Variants in GABRB2 observed in about 807,000 individuals in gnomAD.
GABRB2 encodes the protein gamma-aminobutyric acid type A receptor subunit beta2, also known as gamma-aminobutyric acid receptor subunit beta-2.
Under a neutral mutation model 54.7 loss-of-function variants are expected in GABRB2, and 16 were observed. The ratio of observed to expected loss-of-function variants is 0.29; its 90% CI spans 0.20 to 0.44. The LOEUF (loss-of-function observed/expected upper bound fraction) is 0.44. GABRB2 is among the 20% of genes least tolerant of loss of function. The probability of loss-of-function intolerance (pLI) is 1.00; values close to 1 mark genes in which losing one functional copy is unlikely to be tolerated. For synonymous variants in GABRB2, 244 were observed against 233.8 expected, an observed-to-expected ratio of 1.04 and a Z score of -0.40; for missense variants, 355 against 644.0, an observed-to-expected ratio of 0.55 and a Z score of 4.86.
chr5:161,502,574 C>T (rs1244120676), intron 3 of GABRB2, among the ~76,000 whole-genome samples: 3 of 152,122 alleles, frequency 2.0e-5, no homozygotes, highest in African/African-American at 7.2e-5. Context: ...ATATATGAAT[C>T]AATTGTGTTT....
At chr5:161,411,099 A>G (rs1479737908) in intron 4 of GABRB2, 42 bp from the exon 5 acceptor site, 2 of 1,459,630 alleles carry the variant, frequency 1.4e-6, no homozygotes, top group South Asian at 2.3e-5. Context: ...TAGCAGGTCT[A>G]AGGCTGGAGC....
At chr5:161,450,560 A>G (rs1383862237) in intron 4 of GABRB2, among the ~76,000 whole-genome samples, 1 of 152,090 alleles carries the variant, frequency 6.6e-6, no homozygotes, top group Non-Finnish European at 1.5e-5. Flanking sequence ...ACTCCAAGTA[A>G]CTAAATAACT....
At chr5:161,308,347 T>A (rs1757762421) in intron 9 of GABRB2, among the ~76,000 whole-genome samples, 1 of 152,156 alleles carries the variant, frequency 6.6e-6, no homozygotes, top group Admixed American at 6.5e-5. Flanking sequence ...ACTACATCAA[T>A]TGAGCCAATG....
chr5:161,324,650 T>C (rs1758311755), intron 9 of GABRB2, among the ~76,000 whole-genome samples: 1 of 152,088 alleles, frequency 6.6e-6, no homozygotes, highest in African/African-American at 2.4e-5. Flanking sequence ...TTTGCAATTG[T>C]GACATATATC....
intron 3 of GABRB2, among the ~76,000 whole-genome samples, chr5:161,516,128 T>C (rs1021329013): frequency 3.3e-5 from 5 of 152,208 alleles, no homozygotes; most frequent in Non-Finnish European, 5.9e-5. Context: ...AAATGCAAAA[T>C]AGTACCTACT....
At chr5:161,315,601 A>T (rs1561604670) in intron 9 of GABRB2, among the ~76,000 whole-genome samples, 1 of 152,186 alleles carries the variant, frequency 6.6e-6, no homozygotes, top group Non-Finnish European at 1.5e-5. Flanking sequence ...TAGAAAATAT[A>T]TAATTTGCAT....
At chr5:161,366,903 G>A (rs552412226) in intron 5 of GABRB2, among the ~76,000 whole-genome samples, 1 of 152,166 alleles carries the variant, frequency 6.6e-6, no homozygotes, top group South Asian at 2.1e-4. Context: ...ATCCGAGATC[G>A]CACCAATGCA....
At chr5:161,359,641 T>C (rs1217188562) in intron 5 of GABRB2, among the ~76,000 whole-genome samples, 2 of 152,234 alleles carry the variant, frequency 1.3e-5, no homozygotes, top group Non-Finnish European at 2.9e-5. Flanking sequence ...TTCTAACTTA[T>C]GTCTTAATAC....
At chr5:161,413,681 C>G (rs1756585058) in intron 4 of GABRB2, among the ~76,000 whole-genome samples, 1 of 152,024 alleles carries the variant, frequency 6.6e-6, no homozygotes. Flanking sequence ...ATATTAAACA[C>G]CAATGCTATT....
At chr5:161,490,312 G>T (rs1759061294) in intron 3 of GABRB2, among the ~76,000 whole-genome samples, 1 of 151,618 alleles carries the variant, frequency 6.6e-6, no homozygotes, top group African/African-American at 2.4e-5. Flanking sequence ...GTCCAAAGAA[G>T]TCATAAACAT....
In GABRB2 at chr5:161,453,711, C is replaced by T. The variant is rs139146131; in HGVS notation, c.458+5913G>A. Among the ~76,000 whole-genome samples the T allele has an allele frequency of 9.1e-4, 138 of 152,110 alleles. 3 individuals carry two copies. In the East Asian group the frequency reaches 0.026, roughly 28 times the overall value. On this transcript the variant is annotated intron_variant, in intron 4 of 9. Transcript: ENST00000393959. ...CAAGACTTTCAATATTCTTTGGTCA[C>T]AAACTGCAATTTTAAGCTTTTTTAA... is the stretch of plus-strand genomic sequence containing the variant.
intron 5 of GABRB2, among the ~76,000 whole-genome samples, chr5:161,354,453 G>T (rs1213351937): frequency 6.6e-6 from 1 of 151,880 alleles, no homozygotes; most frequent in Non-Finnish European, 1.5e-5. Context: ...TGACACAACC[G>T]CATCCCAAAA....
chr5:161,431,801 T>C (rs1296323424), intron 4 of GABRB2, among the ~76,000 whole-genome samples: 2 of 152,216 alleles, frequency 1.3e-5, no homozygotes, highest in Non-Finnish European at 2.9e-5. Flanking sequence ...CTAAGGTGGA[T>C]ATTAATCAAT....
chr5:161,501,329 G>A (rs1395623928), intron 3 of GABRB2, among the ~76,000 whole-genome samples: 3 of 151,980 alleles, frequency 2.0e-5, no homozygotes, highest in Non-Finnish European at 4.4e-5. Flanking sequence ...GTATTCAAAG[G>A]ATGAGAAAAT....
At chr5:161,538,576 A>T (rs746447699) in intron 3 of GABRB2, among the ~76,000 whole-genome samples, 1 of 152,134 alleles carries the variant, frequency 6.6e-6, no homozygotes, top group Non-Finnish European at 1.5e-5. Context: ...TAATCCCAGC[A>T]CTCTGGGAGG....
chr5:161,291,560 T>C lies in GABRB2; in HGVS notation c.*2521A>G, dbSNP rs2113328689. The C allele has an allele frequency of 6.6e-6, 1 of 152,644 alleles. No homozygotes were observed. The highest frequency in any genetic ancestry group is 2.1e-4 in the South Asian group (1 of 4,822). 9.5% of individuals were successfully genotyped at this position (152,644 alleles called of 1,614,324 possible). A position where few individuals can be genotyped will look rare whatever the true frequency, so the allele number is the denominator to read the frequency against. On this transcript the variant is annotated 3_prime_UTR_variant, in exon 10 of 10. Coordinates refer to ENST00000393959, the MANE Select transcript of GABRB2 (RefSeq NM_001371727.1). Reference sequence around the variant, plus strand: ...TTACTCTAGGGCATTGCTTCTAAGGTCCCATCTTTTTTCCTTTGCCTTGTT... The same window carrying C: ...TTACTCTAGGGCATTGCTTCTAAGGCCCCATCTTTTTTCCTTTGCCTTGTT...
chr5:161,325,688 T>C (rs967226735), intron 9 of GABRB2, among the ~76,000 whole-genome samples: 16 of 152,064 alleles, frequency 1.1e-4, no homozygotes, highest in African/African-American at 3.6e-4. Flanking sequence ...CTCCTTCAAT[T>C]TGGAGGGCAA....
intron 4 of GABRB2, among the ~76,000 whole-genome samples, chr5:161,413,089 G>A (rs532102079): frequency 1.3e-5 from 2 of 152,126 alleles, no homozygotes; most frequent in African/African-American, 4.8e-5. Context: ...ATAAGAATCT[G>A]TCTTCCAATA....
intron 9 of GABRB2, among the ~76,000 whole-genome samples, chr5:161,306,111 G>A (rs368996228): frequency 0.015 from 1,808 of 121,372 alleles, 28 homozygotes; most frequent in African/African-American, 0.045. Flanking sequence ...TCTTGTTCAT[G>A]GGTTTTGAAA....
Sources: gnomAD v4.1 joint callset for allele counts (sites outside exome capture counted in the v4.1 genomes callset) on GRCh38, gnomAD v4.1.1 for gene constraint, MANE v1.5 for transcripts, NCBI Gene and HGNC (gene_info 2026-07-23, HGNC 2026-07-21) for gene names.